Variants in LILRA2 observed in about 807,000 individuals in gnomAD.
LILRA2 encodes the protein leukocyte immunoglobulin-like receptor subfamily A member 2.
Under a neutral mutation model 47.9 loss-of-function variants are expected in LILRA2, and 45 were observed. The observed-to-expected ratio is 0.94, with a 90% CI of 0.74 to 1.20. The LOEUF (loss-of-function observed/expected upper bound fraction) is 1.20. LILRA2 is among the 50% of genes most tolerant of loss of function. The pLI is 0.00. For synonymous variants in LILRA2, 279 were observed against 249.2 expected, an observed-to-expected ratio of 1.12 and a Z score of -1.13; for missense variants, 651 against 598.2, an observed-to-expected ratio of 1.09 and a Z score of -0.92.
At chr19:54,578,094 T>C (rs1381127267) in intron 6 of LILRA2, among the ~76,000 whole-genome samples, 1 of 151,340 alleles carries the variant, frequency 6.6e-6, no homozygotes, top group Admixed American at 6.6e-5. Flanking sequence ...TCTTTAACAA[T>C]TGATAAGTGA....
Position 54,587,587 on chromosome 19 carries a change from T to G in LILRA2, c.*241T>G. ...GTTGACTTCCCTTGACTGGATCCCC[T>G]TTTTTTCCCATCCCCAGACATGAGG... On this transcript the variant is annotated 3_prime_UTR_variant, in exon 8 of 8. Coordinates refer to ENST00000391738, the MANE Select transcript of LILRA2 (RefSeq NM_001130917.3). 3 of 662,420 alleles carry G rather than the reference T, an allele frequency of 4.5e-6. No homozygotes were observed. Among genetic ancestry groups the G allele is most frequent in the South Asian group, 2.2e-5 (1 of 46,072 alleles). The allele number at this position is 662,420 out of a possible 1,614,324, so 41.0% of individuals were successfully genotyped here. A position where few individuals can be genotyped will look rare whatever the true frequency, so the allele number is the denominator to read the frequency against.
At chr19:54,574,198 G>A in intron 2 of LILRA2, 87 bp downstream of exon 2, 1 of 1,614,200 alleles carries the variant, frequency 6.2e-7, no homozygotes, top group Non-Finnish European at 8.5e-7. Context: ...GGGAATAGCA[G>A]TTCTGGGCTG....
At chr19:54,580,041 T>G (rs1224439141) in intron 6 of LILRA2, among the ~76,000 whole-genome samples, 1 of 152,172 alleles carries the variant, frequency 6.6e-6, no homozygotes, top group Non-Finnish European at 1.5e-5. Context: ...TATATAATCA[T>G]GTCATCTGCA....
intron 6 of LILRA2, among the ~76,000 whole-genome samples, chr19:54,583,021 C>A (rs1227837004): frequency 6.6e-6 from 1 of 152,164 alleles, no homozygotes; most frequent in East Asian, 1.9e-4. Context: ...TTTCTGCCTT[C>A]ATTTCATTAT....
chr19:54,583,876 T>G (rs2062717459), intron 6 of LILRA2, among the ~76,000 whole-genome samples: 1 of 152,244 alleles, frequency 6.6e-6, no homozygotes, highest in Non-Finnish European at 1.5e-5. Context: ...TCAGTGGTCT[T>G]TACCATTTGG....
chr19:54,574,772 G>A lies in LILRA2; in HGVS notation c.394G>A (p.Val132Met), dbSNP rs1250989438. 1.2e-6 allele frequency: 2 copies of A among 1,614,278 alleles called. No homozygotes were observed. The highest frequency in any genetic ancestry group is 1.1e-5 in the South Asian group (1 of 91,092). The change falls in exon 4 of 8, where the codon GTG becomes ATG. Residue 132 changes from valine to methionine, a missense_variant. Transcript: ENST00000391738. ...CACCCTCTCAGCTCTGCCCAGCCCT[G>A]TGGTGACCTCAGGAGGGAACGTGAC... ...KPTLSALPSP[V>M]VTSGGNVTLQ... is the part of the protein sequence containing the mutation.
chr19:54,574,103 T>A lies in LILRA2; in HGVS notation c.62T>A (p.Val21Glu). The change falls in exon 2 of 8, where the codon GTG becomes GAG. Residue 21 changes from valine (V) to glutamate (E), a missense_variant. Val to Glu is a moderately radical substitution (Grantham distance 121, BLOSUM62 -2). Coordinates refer to ENST00000391738, the MANE Select transcript of LILRA2 (RefSeq NM_001130917.3). Reference protein sequence around the residue: ...LGLSLGPRTHVQAGHLPKPTL... With the variant: ...LGLSLGPRTHEQAGHLPKPTL... ...CTGAGTCTGGGCCCCAGGACCCACG[T>A]GCAGGCAGGTGAGTCTGTTCCCAGC... 6.2e-7 allele frequency: 1 copy of A among 1,614,246 alleles called. No individual in the cohort carries two copies. The highest frequency in any genetic ancestry group is 8.5e-7 in the Non-Finnish European group (1 of 1,180,040).
chr19:54,584,671 A>G (rs146689779), intron 6 of LILRA2, among the ~76,000 whole-genome samples: 100 of 152,302 alleles, frequency 6.6e-4, no homozygotes, highest in Middle Eastern at 6.8e-3. Flanking sequence ...TTAGCCATTC[A>G]TCTAACCATT....
In LILRA2 at chr19:54,577,006, A is replaced by G. The variant is rs186973452; in HGVS notation, c.1255+897A>G. Among the ~76,000 whole-genome samples, 394 of 121,202 alleles carry G rather than the reference A, an allele frequency of 3.3e-3. No individual in the cohort carries two copies. The South Asian group carries it at 0.064, about 20-fold the overall frequency. 79.5% of individuals were successfully genotyped at this position (121,202 alleles called of 152,430 possible). On this transcript the variant is annotated intron_variant, in intron 6 of 7. Transcript: ENST00000391738. Reference sequence around the variant, plus strand: ...GCTCATCCTAGACCTGCTCCCGTCTACAGCCCTCTCTGGCCCTCTCCTAAT... The same window carrying G: ...GCTCATCCTAGACCTGCTCCCGTCTGCAGCCCTCTCTGGCCCTCTCCTAAT...
chr19:54,583,629 T>C (rs1481880134), intron 6 of LILRA2, among the ~76,000 whole-genome samples: 2 of 152,100 alleles, frequency 1.3e-5, no homozygotes, highest in East Asian at 1.9e-4. Flanking sequence ...GCTTGGTAGA[T>C]CTTCCTCCAT....
intron 6 of LILRA2, among the ~76,000 whole-genome samples, chr19:54,585,587 G>C (rs2062776360): frequency 6.6e-6 from 1 of 152,220 alleles, no homozygotes; most frequent in Non-Finnish European, 1.5e-5. Context: ...GTGGGTGTGA[G>C]ACCTGCCGAG....
chr19:54,574,690 G>A (rs2062313908), intron 3 of LILRA2, 41 bp from the exon 4 acceptor site: 1 of 1,604,838 alleles, frequency 6.2e-7, no homozygotes, highest in African/African-American at 1.3e-5. Context: ...TGATGTGGGA[G>A]GTGGGAGCCC....
Position 54,587,446 on chromosome 19 carries a change from C to T in LILRA2, c.*100C>T. 1.3e-6 allele frequency: 2 copies of T among 1,544,620 alleles called. No individual in the cohort carries two copies. Among genetic ancestry groups the T allele is most frequent in the Non-Finnish European group, 1.8e-6 (2 of 1,139,162 alleles). ...GAGGACAATCTAGGACCTACATTATCTGGACTGTATGCTGGTCATTTCTAG... is the reference window on the plus strand; with the variant it reads ...GAGGACAATCTAGGACCTACATTATTTGGACTGTATGCTGGTCATTTCTAG... On this transcript the variant is annotated 3_prime_UTR_variant, in exon 8 of 8. Coordinates refer to ENST00000391738, the MANE Select transcript of LILRA2 (RefSeq NM_001130917.3).
chr19:54,586,765 C>G lies in LILRA2; in HGVS notation c.1256-245C>G, dbSNP rs757191913. On this transcript the variant is annotated intron_variant, in intron 6 of 7. Transcript: ENST00000391738. Reference sequence around the variant, plus strand: ...TGTATTGGGGACCACTTACCATATCCATGCTGAGCTCCCGGGATGCAGGAA... The same window carrying G: ...TGTATTGGGGACCACTTACCATATCGATGCTGAGCTCCCGGGATGCAGGAA... Among the ~76,000 whole-genome samples, 547 of 152,228 alleles carry G rather than the reference C, an allele frequency of 3.6e-3. No homozygotes were observed. The South Asian group carries it at 0.072, about 20-fold the overall frequency.
chr19:54,576,694 GA>G (rs2062458044), intron 6 of LILRA2, among the ~76,000 whole-genome samples: 2,338 of 150,138 alleles, frequency 0.016, no homozygotes, highest in African/African-American at 0.056. Context: ...GGAGCAGAGG[GA>G]TCTTTCCCCC....
At chr19:54,579,758 A>C (rs540130956) in intron 6 of LILRA2, among the ~76,000 whole-genome samples, 11 of 152,102 alleles carry the variant, frequency 7.2e-5, no homozygotes, top group Middle Eastern at 6.8e-3. Flanking sequence ...ATGTTCTTCC[A>C]TTTGTCTGTG....
upstream of LILRA2, chr19:54,573,451 C>G (rs562252963): frequency 8.3e-6 from 9 of 1,087,008 alleles, no homozygotes; most frequent in Non-Finnish European, 1.3e-5. Context: ...GACCCCGCAA[C>G]GCTGAGCTGA....
chr19:54,574,680 T>A (rs1451664016), intron 3 of LILRA2, 51 bp from the exon 4 acceptor site: 3 of 1,602,276 alleles, frequency 1.9e-6, no homozygotes, highest in African/African-American at 2.7e-5. Flanking sequence ...ACCCTGGGGA[T>A]GATGTGGGAG....
intron 6 of LILRA2, among the ~76,000 whole-genome samples, chr19:54,585,333 G>T (rs2062765652): frequency 6.6e-6 from 1 of 152,194 alleles, no homozygotes; most frequent in South Asian, 2.1e-4. Flanking sequence ...AGACAGGGAC[G>T]TTTAAGTCTG....
Sources: allele counts gnomAD v4.1 joint callset (sites outside exome capture counted in the v4.1 genomes callset), GRCh38; gene constraint gnomAD v4.1.1; transcripts MANE v1.5; gene names NCBI Gene and HGNC (gene_info 2026-07-23, HGNC 2026-07-21).